The following FOXP1 variants were observed in gnomAD, a reference collection of about 807,000 sequenced individuals.
FOXP1 encodes the protein forkhead box protein P1.
A neutral mutation model predicts 98.2 loss-of-function variants in FOXP1; 15 were observed. The observed-to-expected ratio is 0.15, with a 90% confidence interval of 0.10 to 0.24. The LOEUF (loss-of-function observed/expected upper bound fraction) is 0.24, where lower values mean the gene tolerates loss of function less well. Among genes scored for constraint, FOXP1 ranks in the 10% least tolerant of loss-of-function variants. The pLI, the probability that FOXP1 is intolerant of heterozygous loss-of-function variation, is 1.00. For missense variants in FOXP1, 633 were observed against 848.5 expected (o/e 0.75, Z 3.15); for synonymous variants, 371 against 314.5 (o/e 1.18, Z -1.90).
In FOXP1 at chr3:71,235,861, C is replaced by T. The variant is rs539481979; in HGVS notation, c.-11-37469G>A. ...GATTACAGGTGTGGGCCACCGCACCCGGCTAATATTTCTCTCTTTAAGAAA... is the reference window on the plus strand; with the variant it reads ...GATTACAGGTGTGGGCCACCGCACCTGGCTAATATTTCTCTCTTTAAGAAA... On this transcript the variant is annotated intron_variant, in intron 5 of 20. Coordinates refer to ENST00000649528, the MANE Select transcript of FOXP1 (RefSeq NM_001349338.3). 3.9e-5 allele frequency among the ~76,000 whole-genome samples: 6 copies of T among 152,092 alleles called. 1 individual carries two copies. The highest frequency in any genetic ancestry group is 2.0e-4 in the Admixed American group (3 of 15,264).
chr3:71,430,124 G>A (rs1207355894), intron 3 of FOXP1, among the ~76,000 whole-genome samples: 1 of 152,010 alleles, frequency 6.6e-6, no homozygotes, highest in African/African-American at 2.4e-5. Flanking sequence ...GACCACCCTG[G>A]GAATGAGACA....
At chr3:71,548,984 T>C (rs568684070) in intron 2 of FOXP1, among the ~76,000 whole-genome samples, 2 of 152,262 alleles carry the variant, frequency 1.3e-5, no homozygotes, top group African/African-American at 4.8e-5. Context: ...TATCCAAGGT[T>C]AATAAGAGGC....
At chr3:71,114,506 T>A (rs570273751) in intron 6 of FOXP1, among the ~76,000 whole-genome samples, 1 of 152,280 alleles carries the variant, frequency 6.6e-6, no homozygotes, top group East Asian at 1.9e-4. Flanking sequence ...CCTTTGTGTT[T>A]AAGAGGTGCA....
chr3:71,208,987 A>G (rs552574214), intron 5 of FOXP1, among the ~76,000 whole-genome samples: 1 of 152,298 alleles, frequency 6.6e-6, no homozygotes, highest in East Asian at 1.9e-4. Flanking sequence ...GCACAATGCC[A>G]TGTTTGCTTA....
intron 3 of FOXP1, among the ~76,000 whole-genome samples, chr3:71,377,819 T>C (rs2079834189): frequency 6.6e-6 from 1 of 152,226 alleles, no homozygotes; most frequent in Non-Finnish European, 1.5e-5. Context: ...ACATTAATAA[T>C]TGTTACCCTA....
Position 70,959,054 on chromosome 3 carries a change from G to T in FOXP1, c.*193C>A. 1.6e-6 allele frequency: 1 copy of T among 629,310 alleles called. No individual in the cohort carries two copies. The highest frequency in any genetic ancestry group is 2.7e-6 in the Non-Finnish European group (1 of 371,774). 39.0% of individuals were successfully genotyped at this position (629,310 alleles called of 1,614,324 possible). ...AAATTCCTTTTTTCAACAAAAAGTA[G>T]AAAAATCAAAAATACTCCCAAATGG... On this transcript the variant is annotated 3_prime_UTR_variant, in exon 21 of 21. Transcript: ENST00000649528.
chr3:71,352,119 G>A (rs2077822116), intron 4 of FOXP1, among the ~76,000 whole-genome samples: 1 of 152,078 alleles, frequency 6.6e-6, no homozygotes, highest in Non-Finnish European at 1.5e-5. Context: ...CCTGCAAGTC[G>A]ATAACCCCAA....
At chr3:71,324,443 A>G (rs936686355) in intron 4 of FOXP1, among the ~76,000 whole-genome samples, 11 of 152,250 alleles carry the variant, frequency 7.2e-5, no homozygotes, top group Non-Finnish European at 1.5e-4. Context: ...GCCATAAAAA[A>G]GGATGAGTTC....
intron 5 of FOXP1, among the ~76,000 whole-genome samples, chr3:71,214,931 C>T (rs2064807527): frequency 6.6e-6 from 1 of 152,210 alleles, no homozygotes; most frequent in African/African-American, 2.4e-5. Flanking sequence ...AGTGATCAAC[C>T]TGTGCACTGC....
Position 71,009,155 on chromosome 3 carries a change from CGGGGGGGG to C in FOXP1, c.974+6386_974+6393del, listed in dbSNP as rs10546380. ...TGGTTGGTCAATGAAATCATGGGGGCGGGGGGGGGGGGGCGCATGACACACGTGGATAT... is the reference window on the plus strand; with the variant it reads ...TGGTTGGTCAATGAAATCATGGGGGCGGGGGCGCATGACACACGTGGATAT... On this transcript the variant is annotated intron_variant, in intron 12 of 20. Coordinates refer to ENST00000649528, the MANE Select transcript of FOXP1 (RefSeq NM_001349338.3). Among the ~76,000 whole-genome samples, 4 of 20,764 alleles carry C rather than the reference CGGGGGGGG, an allele frequency of 1.9e-4. 1 individual carries two copies. Among genetic ancestry groups the C allele is most frequent in the East Asian group, 2.0e-3 (1 of 488 alleles). The allele number at this position is 20,764 out of a possible 152,430, so 13.6% of individuals were successfully genotyped here.
At chr3:71,512,671 T>C (rs141480240) in intron 2 of FOXP1, among the ~76,000 whole-genome samples, 35 of 152,302 alleles carry the variant, frequency 2.3e-4, no homozygotes, top group Admixed American at 1.1e-3. Flanking sequence ...TGAATGCCAC[T>C]TCATACAACA....
At chr3:71,154,217 TG>T (rs1323212513) in intron 6 of FOXP1, among the ~76,000 whole-genome samples, 60 of 152,090 alleles carry the variant, frequency 3.9e-4, no homozygotes, top group Admixed American at 1.1e-3. Context: ...ATCATTTTTT[TG>T]TGTGTGTGGG....
intron 3 of FOXP1, among the ~76,000 whole-genome samples, chr3:71,377,793 CATT>C (rs761990674): frequency 1.2e-4 from 19 of 152,144 alleles, no homozygotes; most frequent in Non-Finnish European, 2.8e-4. Context: ...AACACGAAGA[CATT>C]ATTTTTCACG....
At chr3:71,440,032 G>A (rs1214612667) in intron 3 of FOXP1, among the ~76,000 whole-genome samples, 1 of 151,072 alleles carries the variant, frequency 6.6e-6, no homozygotes, top group Admixed American at 6.6e-5. Context: ...AGTGAAATAA[G>A]CCAGTCACAA....
intron 3 of FOXP1, among the ~76,000 whole-genome samples, chr3:71,491,804 T>C (rs977794952): frequency 1.3e-5 from 2 of 152,210 alleles, no homozygotes; most frequent in Non-Finnish European, 2.9e-5. Flanking sequence ...TATTTTTTAA[T>C]GTATACAAGG....
intron 3 of FOXP1, among the ~76,000 whole-genome samples, chr3:71,486,441 C>T (rs2090654891): frequency 6.6e-6 from 1 of 152,178 alleles, no homozygotes; most frequent in Non-Finnish European, 1.5e-5. Context: ...CCAAAAGCCA[C>T]CATCAGAACA....
intron 19 of FOXP1, among the ~76,000 whole-genome samples, chr3:70,966,859 A>ATATT (rs1352576777): frequency 7.2e-5 from 11 of 152,254 alleles, no homozygotes; most frequent in African/African-American, 2.7e-4. Context: ...GATAGGTAGG[A>ATATT]TATTATTCAC....
chr3:71,246,059 A>T (rs1348180210), intron 5 of FOXP1, among the ~76,000 whole-genome samples: 2 of 150,832 alleles, frequency 1.3e-5, no homozygotes, highest in East Asian at 4.0e-4. Flanking sequence ...GGCTAGGCTG[A>T]TAAGGAGGGT....
intron 6 of FOXP1, among the ~76,000 whole-genome samples, chr3:71,133,099 G>A (rs140616095): frequency 4.1e-4 from 63 of 152,184 alleles, no homozygotes; most frequent in African/African-American, 1.2e-3. Context: ...AAGGTTTGCC[G>A]TGAAAAGCGA....
Sources: gnomAD v4.1 joint callset for allele counts (sites outside exome capture counted in the v4.1 genomes callset) on GRCh38, gnomAD v4.1.1 for gene constraint, MANE v1.5 for transcripts, NCBI Gene and HGNC (gene_info 2026-07-23, HGNC 2026-07-21) for gene names.